The following RALYL variants were observed in gnomAD, a reference collection of about 807,000 sequenced individuals.
The protein encoded by RALYL is RALY RNA binding protein like, also known as RNA-binding Raly-like protein.
A neutral mutation model predicts 35.1 loss-of-function variants in RALYL; 29 were observed. The ratio of observed to expected loss-of-function variants is 0.83; its 90% CI spans 0.61 to 1.13. The LOEUF is 1.13. RALYL is among the 50% of genes most tolerant of loss of function. The pLI is 0.00. For missense variants in RALYL, 359 were observed against 360.4 expected (o/e 1.00, Z 0.03); for synonymous variants, 120 against 127.6 (o/e 0.94, Z 0.40).
intron 1 of RALYL, among the ~76,000 whole-genome samples, chr8:84,272,114 T>C (rs1010228349): frequency 6.6e-6 from 1 of 151,990 alleles, no homozygotes; most frequent in Non-Finnish European, 1.5e-5. Context: ...TTTTTGGAGA[T>C]GGAGTTTCAC....
chr8:84,482,200 G>A (rs711026), intron 1 of RALYL, among the ~76,000 whole-genome samples: 60,722 of 151,768 alleles, frequency 0.4, 12,480 homozygotes, highest in East Asian at 0.52. Context: ...GTTGAGAGCA[G>A]AGGAATACAG....
At chr8:84,414,500 T>C (rs2044422081) in intron 1 of RALYL, among the ~76,000 whole-genome samples, 1 of 152,218 alleles carries the variant, frequency 6.6e-6, no homozygotes, top group South Asian at 2.1e-4. Context: ...TGGTGTATAA[T>C]ATGGTTAGAT....
chr8:84,526,783 C>G (rs1050115659), intron 1 of RALYL, among the ~76,000 whole-genome samples: 5 of 152,174 alleles, frequency 3.3e-5, no homozygotes, highest in Non-Finnish European at 7.3e-5. Context: ...GGACACTGCT[C>G]TAGACCTGAA....
intron 2 of RALYL, among the ~76,000 whole-genome samples, chr8:84,534,461 T>C (rs559126142): frequency 2.0e-5 from 3 of 152,358 alleles, no homozygotes; most frequent in African/African-American, 7.2e-5. Context: ...GTAATTGATA[T>C]CTGTCCCTTC....
chr8:84,677,250 C>T (rs1359776542), intron 2 of RALYL, among the ~76,000 whole-genome samples: 3 of 152,112 alleles, frequency 2.0e-5, no homozygotes, highest in Non-Finnish European at 2.9e-5. Flanking sequence ...AAAATTTGAT[C>T]TTGATTAGCC....
chr8:84,542,000 T>C (rs917887532), intron 2 of RALYL, among the ~76,000 whole-genome samples: 2 of 152,140 alleles, frequency 1.3e-5, no homozygotes, highest in African/African-American at 4.8e-5. Context: ...TAGGACAACC[T>C]TTGTTTTTTT....
At chr8:84,403,221 T>A (rs2043099431) in intron 1 of RALYL, among the ~76,000 whole-genome samples, 1 of 152,182 alleles carries the variant, frequency 6.6e-6, no homozygotes, top group South Asian at 2.1e-4. Flanking sequence ...GTTTTAGTTA[T>A]GAAGTCTTTG....
In RALYL at chr8:84,709,616, A is replaced by T. The variant is rs529430601; in HGVS notation, c.257-64963A>T. Among the ~76,000 whole-genome samples the T allele has an allele frequency of 6.4e-4, 97 of 151,300 alleles. No homozygotes were observed. The South Asian group carries it at 7.3e-3, about 11-fold the overall frequency. On this transcript the variant is annotated intron_variant, in intron 2 of 8. Transcript: ENST00000521268. ...TTATGTTTTGGTATTCTTTTTTTTA[A>T]AAAAAAAACTTCATACTCCCGAAGG...
At chr8:84,470,673 G>A (rs2052616069) in intron 1 of RALYL, among the ~76,000 whole-genome samples, 1 of 152,136 alleles carries the variant, frequency 6.6e-6, no homozygotes, top group South Asian at 2.1e-4. Flanking sequence ...CTTCTAAATG[G>A]TCTTGTGGAG....
At chr8:84,397,360 AAATT>A (rs2042446387) in intron 1 of RALYL, among the ~76,000 whole-genome samples, 1 of 152,210 alleles carries the variant, frequency 6.6e-6, no homozygotes, top group Admixed American at 6.5e-5. Context: ...AAACAATAGG[AAATT>A]AATACAAACC....
intron 2 of RALYL, among the ~76,000 whole-genome samples, chr8:84,722,643 ATATATG>A (rs1461427851): frequency 1.6e-4 from 23 of 143,170 alleles, no homozygotes; most frequent in South Asian, 2.1e-4. Context: ...ATATATATAT[ATATATG>A]TATGTATATA....
At chr8:84,294,952 C>T in intron 1 of RALYL, among the ~76,000 whole-genome samples, 1 of 152,024 alleles carries the variant, frequency 6.6e-6, no homozygotes, top group East Asian at 1.9e-4. Context: ...GCTGACAGTC[C>T]TTGACCAAGT....
chr8:84,190,269 T>C (rs1398305116), intron 1 of RALYL, among the ~76,000 whole-genome samples: 1 of 152,224 alleles, frequency 6.6e-6, no homozygotes, highest in African/African-American at 2.4e-5. Flanking sequence ...CTGTTACACA[T>C]ATTTGTATGT....
chr8:84,602,158 T>G (rs1328443150), intron 2 of RALYL, among the ~76,000 whole-genome samples: 2 of 152,104 alleles, frequency 1.3e-5, no homozygotes, highest in Non-Finnish European at 2.9e-5. Flanking sequence ...CCAAGCTGTA[T>G]TTCTAGATCT....
intron 4 of RALYL, among the ~76,000 whole-genome samples, chr8:84,826,420 G>T (rs1586585359): frequency 6.6e-6 from 1 of 151,780 alleles, no homozygotes; most frequent in Non-Finnish European, 1.5e-5. Context: ...AATAACATAA[G>T]TTCCTAATAC....
At chr8:84,575,030 G>T (rs1808985848) in intron 2 of RALYL, among the ~76,000 whole-genome samples, 1 of 152,098 alleles carries the variant, frequency 6.6e-6, no homozygotes, top group Non-Finnish European at 1.5e-5. Flanking sequence ...CCCCCTTGAT[G>T]ATGCAGATAA....
chr8:84,395,838 C>T (rs969499386), intron 1 of RALYL, among the ~76,000 whole-genome samples: 2 of 151,786 alleles, frequency 1.3e-5, no homozygotes, highest in African/African-American at 4.8e-5. Flanking sequence ...ATGTAAAATA[C>T]TTAGAAAACT....
chr8:84,290,621 G>A (rs188147153), intron 1 of RALYL, among the ~76,000 whole-genome samples: 150 of 152,188 alleles, frequency 9.9e-4, no homozygotes, highest in Middle Eastern at 3.4e-3. Context: ...TTTTGTGGTG[G>A]AATGTCATCA....
At chr8:84,756,610 T>C (rs888692510) in intron 2 of RALYL, among the ~76,000 whole-genome samples, 1 of 152,104 alleles carries the variant, frequency 6.6e-6, no homozygotes, top group African/African-American at 2.4e-5. Flanking sequence ...CATAATAATT[T>C]ATACAACGTC....
Sources: gnomAD v4.1 joint callset for allele counts (sites outside exome capture counted in the v4.1 genomes callset) on GRCh38, gnomAD v4.1.1 for gene constraint, MANE v1.5 for transcripts, NCBI Gene and HGNC (gene_info 2026-07-23, HGNC 2026-07-21) for gene names.